The following TRPS1 variants were observed in gnomAD, a reference collection of about 807,000 sequenced individuals.
The protein encoded by TRPS1 is transcriptional repressor GATA binding 1.
In TRPS1, 6 loss-of-function variants were observed where a neutral mutation model predicts 101.2. The ratio of observed to expected loss-of-function variants is 0.06; its 90% CI spans 0.03 to 0.12. The LOEUF (loss-of-function observed/expected upper bound fraction) is 0.12, where lower values mean the gene tolerates loss of function less well. Among genes scored for constraint, TRPS1 ranks in the 10% least tolerant of loss-of-function variants. The probability of loss-of-function intolerance (pLI) is 1.00; values close to 1 mark genes in which losing one functional copy is unlikely to be tolerated. For missense variants in TRPS1, 1,363 were observed against 1,567.0 expected (o/e 0.87, Z 2.20); for synonymous variants, 578 against 589.8 (o/e 0.98, Z 0.29).
intron 1 of TRPS1, among the ~76,000 whole-genome samples, chr8:115,628,086 T>C (rs1357593168): frequency 6.6e-6 from 1 of 151,862 alleles, no homozygotes; most frequent in East Asian, 1.9e-4. Flanking sequence ...CATGTGCATG[T>C]GTGTGTATCT....
intron 5 of TRPS1, among the ~76,000 whole-genome samples, chr8:115,488,649 T>A (rs1814946701): frequency 6.6e-6 from 1 of 152,056 alleles, no homozygotes. Context: ...CACTCCAGCC[T>A]CGCAACAGAG....
At chr8:115,657,136 C>T (rs530826067) in intron 1 of TRPS1, among the ~76,000 whole-genome samples, 26 of 152,216 alleles carry the variant, frequency 1.7e-4, no homozygotes, top group African/African-American at 5.5e-4. Context: ...AAACAACTTT[C>T]GGCACTTAAA....
chr8:115,518,818 T>C (rs1815786594), intron 5 of TRPS1, among the ~76,000 whole-genome samples: 1 of 151,822 alleles, frequency 6.6e-6, no homozygotes, highest in African/African-American at 2.4e-5. Context: ...AACTAAACCA[T>C]CAGAAATTTA....
intron 4 of TRPS1, among the ~76,000 whole-genome samples, chr8:115,590,217 T>C (rs544272487): frequency 1.3e-5 from 2 of 152,228 alleles, no homozygotes; most frequent in East Asian, 3.9e-4. Flanking sequence ...ACTGAATATA[T>C]TCTACACAAT....
intron 5 of TRPS1, chr8:115,509,705 G>A (rs905210876): frequency 6.6e-5 from 10 of 151,996 alleles, no homozygotes; most frequent in African/African-American, 7.2e-5. Context: ...ACCCATTGAC[G>A]TCCTAGTAGG....
chr8:115,441,488 C>T (rs951730563), intron 5 of TRPS1, among the ~76,000 whole-genome samples: 2 of 152,132 alleles, frequency 1.3e-5, no homozygotes, highest in Non-Finnish European at 2.9e-5. Flanking sequence ...AAGACAAGAT[C>T]GGGAAGAGTA....
chr8:115,655,542 T>G (rs917161840), intron 1 of TRPS1, among the ~76,000 whole-genome samples: 15 of 152,186 alleles, frequency 9.9e-5, no homozygotes, highest in African/African-American at 3.6e-4. Flanking sequence ...TCCATTTGTA[T>G]GTTTTTGTAC....
At chr8:115,543,464 T>C (rs1198970464) in intron 5 of TRPS1, among the ~76,000 whole-genome samples, 1 of 152,220 alleles carries the variant, frequency 6.6e-6, no homozygotes, top group African/African-American at 2.4e-5. Flanking sequence ...GTGATTTTTC[T>C]TCTGAAAGAA....
At chr8:115,500,222 G>T (rs1473205253) in intron 5 of TRPS1, among the ~76,000 whole-genome samples, 1 of 151,982 alleles carries the variant, frequency 6.6e-6, no homozygotes, top group African/African-American at 2.4e-5. Flanking sequence ...TAGAGATGGG[G>T]TTTCACCACG....
At chr8:115,609,431 T>A (rs1818113370) in intron 3 of TRPS1, among the ~76,000 whole-genome samples, 1 of 152,214 alleles carries the variant, frequency 6.6e-6, no homozygotes, top group South Asian at 2.1e-4. Flanking sequence ...ACAAGAATAG[T>A]CTTATTCACA....
At chr8:115,607,263 A>C (rs1279882026) in intron 3 of TRPS1, among the ~76,000 whole-genome samples, 1 of 152,174 alleles carries the variant, frequency 6.6e-6, no homozygotes, top group African/African-American at 2.4e-5. Flanking sequence ...AAACAACCTA[A>C]GAAGTCAGAA....
intron 1 of TRPS1, among the ~76,000 whole-genome samples, chr8:115,627,016 A>G (rs1308706066): frequency 6.6e-6 from 1 of 151,762 alleles, no homozygotes; most frequent in East Asian, 1.9e-4. Context: ...CTGTACTTTT[A>G]TAAGAAAATT....
At chr8:115,568,483 TTTACTATAAAAAATTATCAACA>T (rs1340620372) in intron 5 of TRPS1, among the ~76,000 whole-genome samples, 22 of 152,088 alleles carry the variant, frequency 1.4e-4, no homozygotes, top group Non-Finnish European at 3.2e-4. Context: ...TAAAACATAG[TTTACTATAAAAAATTATCAACA>T]AATTAGCACT....
chr8:115,434,319 A>T (rs34414127), intron 5 of TRPS1, among the ~76,000 whole-genome samples: 39,029 of 152,044 alleles, frequency 0.26, 6,205 homozygotes, highest in Middle Eastern at 0.45. Flanking sequence ...TTCTGAAAAC[A>T]ATATTCATTT....
At chr8:115,565,936 C>T (rs1186959268) in intron 5 of TRPS1, among the ~76,000 whole-genome samples, 1 of 152,090 alleles carries the variant, frequency 6.6e-6, no homozygotes, top group Non-Finnish European at 1.5e-5. Flanking sequence ...CTTGAAACTT[C>T]AAGGTAAGGG....
intron 5 of TRPS1, among the ~76,000 whole-genome samples, chr8:115,507,541 T>C (rs1463816451): frequency 6.9e-6 from 1 of 145,358 alleles, no homozygotes; most frequent in Non-Finnish European, 1.5e-5. Flanking sequence ...CAGAAACGAC[T>C]CATCTACACG....
chr8:115,567,342 G>A (rs1817093141), intron 5 of TRPS1, among the ~76,000 whole-genome samples: 1 of 151,992 alleles, frequency 6.6e-6, no homozygotes, highest in Non-Finnish European at 1.5e-5. Context: ...GTAATCTAAT[G>A]AAATTCTAAA....
rs7016652 is a variant in TRPS1 at position 115,619,282 on chromosome 8, C to T, written c.816G>A (p.Glu272=). 453 of 1,614,066 alleles carry T rather than the reference C, an allele frequency of 2.8e-4. 2 individuals carry two copies. The African/African-American group carries it at 5.4e-3, about 19-fold the overall frequency. The change falls in exon 3 of 7, where the codon GAG becomes GAA. Residue 272 remains glutamate (E), a synonymous_variant. Coordinates refer to ENST00000395715, the MANE Select transcript of TRPS1 (RefSeq NM_014112.5). ...GLHNRTRQDA[E]LDSKILALHN... is the part of the protein sequence containing the mutation. The stretch of plus-strand genomic sequence containing the variant: ...GAAGGGCCAAGATTTTGCTGTCCAG[C>T]TCAGCATCTTGCCTGGTGCGGTTAT...
chr8:115,581,829 T>C (rs1057215678), intron 5 of TRPS1, among the ~76,000 whole-genome samples: 1 of 152,216 alleles, frequency 6.6e-6, no homozygotes, highest in African/African-American at 2.4e-5. Flanking sequence ...AAATCTAAAC[T>C]AAAACATATT....
Sources: allele counts gnomAD v4.1 joint callset (sites outside exome capture counted in the v4.1 genomes callset), GRCh38; gene constraint gnomAD v4.1.1; transcripts MANE v1.5; gene names NCBI Gene and HGNC (gene_info 2026-07-23, HGNC 2026-07-21).